The following DCLK2 variants were observed in gnomAD, a reference collection of about 807,000 sequenced individuals.
DCLK2 encodes serine/threonine-protein kinase DCLK2.
Under a neutral mutation model 78.4 loss-of-function variants are expected in DCLK2, and 31 were observed. That is an observed-to-expected ratio of 0.40 (90% CI 0.30 to 0.53). DCLK2 has a LOEUF of 0.53. DCLK2 is among the 20% of genes least tolerant of loss of function. The probability of loss-of-function intolerance (pLI) is 0.61; values close to 1 mark genes in which losing one functional copy is unlikely to be tolerated. For missense variants in DCLK2, 872 were observed against 973.7 expected (o/e 0.90, Z 1.39); for synonymous variants, 407 against 374.9 (o/e 1.09, Z -0.99).
At chr4:150,252,734 C>T (rs1283569565) in intron 15 of DCLK2, among the ~76,000 whole-genome samples, 3 of 152,310 alleles carry the variant, frequency 2.0e-5, no homozygotes, top group Admixed American at 2.0e-4. Flanking sequence ...TTGTTTGCAG[C>T]TCTGATGGTG....
At chr4:150,100,907 G>A (rs528591646) in intron 1 of DCLK2, among the ~76,000 whole-genome samples, 22 of 152,258 alleles carry the variant, frequency 1.4e-4, no homozygotes, top group Middle Eastern at 3.4e-3. Context: ...CAGTTATCTT[G>A]GGCAGTGCCC....
At chr4:150,114,852 T>C (rs906084389) in intron 2 of DCLK2, among the ~76,000 whole-genome samples, 5 of 152,260 alleles carry the variant, frequency 3.3e-5, no homozygotes, top group African/African-American at 1.2e-4. Context: ...GATAGCATGA[T>C]GACTGTATGC....
At chr4:150,149,058 A>G (rs1734695299) in intron 2 of DCLK2, among the ~76,000 whole-genome samples, 1 of 148,182 alleles carries the variant, frequency 6.7e-6, no homozygotes, top group African/African-American at 2.5e-5. Flanking sequence ...AAAAAAAAAG[A>G]AAGAAATGGA....
chr4:150,223,029 G>A (rs1741318365), intron 7 of DCLK2, among the ~76,000 whole-genome samples: 1 of 152,052 alleles, frequency 6.6e-6, no homozygotes. Flanking sequence ...ATCATTTCTG[G>A]AGATTTTTCC....
chr4:150,091,849 A>G (rs1730104220), intron 1 of DCLK2, among the ~76,000 whole-genome samples: 1 of 150,722 alleles, frequency 6.6e-6, no homozygotes, highest in South Asian at 2.1e-4. Context: ...TGCCCTTTCA[A>G]ATTTAAGTGC....
intron 2 of DCLK2, among the ~76,000 whole-genome samples, chr4:150,190,184 CA>C (rs1355854859): frequency 6.6e-6 from 1 of 151,082 alleles, no homozygotes; most frequent in Admixed American, 6.6e-5. Flanking sequence ...GCCTGGGCAA[CA>C]GAGTTGAGAC....
chr4:150,249,993 C>A (rs888089579), intron 15 of DCLK2, among the ~76,000 whole-genome samples: 14 of 152,118 alleles, frequency 9.2e-5, no homozygotes, highest in Non-Finnish European at 7.4e-5. Flanking sequence ...GACTCCCAAG[C>A]CCTGGAGGGG....
rs534501176 is a variant in DCLK2 at position 150,227,603 on chromosome 4, T to C, written c.1299+3045T>C. On this transcript the variant is annotated intron_variant, in intron 8 of 15. Transcript: ENST00000296550. ...ACGTTGGGCCCTTCTAAGTAGGAGA[T>C]TATTACAAGAGCTGCGTTGGGGCCA... Among the ~76,000 whole-genome samples, 29 of 152,282 alleles carry C rather than the reference T, an allele frequency of 1.9e-4. No individual in the cohort carries two copies. In the South Asian group the frequency reaches 6.0e-3, roughly 32 times the overall value.
intron 10 of DCLK2, among the ~76,000 whole-genome samples, chr4:150,239,206 T>G (rs1361415745): frequency 6.6e-6 from 1 of 152,184 alleles, no homozygotes; most frequent in African/African-American, 2.4e-5. Flanking sequence ...TCTGCAAAAG[T>G]GGAAAATATT....
intron 2 of DCLK2, among the ~76,000 whole-genome samples, chr4:150,110,389 T>C (rs921401855): frequency 2.6e-5 from 4 of 152,332 alleles, no homozygotes; most frequent in Admixed American, 1.3e-4. Flanking sequence ...TTTGACAATG[T>C]GTAGAGTAAT....
chr4:150,193,423 T>C (rs1738620304), intron 3 of DCLK2, among the ~76,000 whole-genome samples, 183 bp downstream of exon 3: 1 of 152,038 alleles, frequency 6.6e-6, no homozygotes, highest in Non-Finnish European at 1.5e-5. Context: ...TGCCTACTTA[T>C]AAAAAAAGAA....
chr4:150,225,016 T>C (rs879385974), intron 8 of DCLK2, among the ~76,000 whole-genome samples: 1 of 152,150 alleles, frequency 6.6e-6, no homozygotes, highest in Non-Finnish European at 1.5e-5. Flanking sequence ...CCAAGTCCCA[T>C]AGTGGTGAGG....
chr4:150,157,170 T>G (rs1580614357), intron 2 of DCLK2, among the ~76,000 whole-genome samples: 1 of 74,232 alleles, frequency 1.3e-5, no homozygotes, highest in East Asian at 4.5e-4. Flanking sequence ...CTCACCTGTT[T>G]TTTTTTTTTT....
intron 2 of DCLK2, among the ~76,000 whole-genome samples, chr4:150,135,953 G>T (rs1254871999): frequency 6.6e-6 from 1 of 152,174 alleles, no homozygotes; most frequent in East Asian, 1.9e-4. Flanking sequence ...GAGCTTTGTG[G>T]GGTTTCTCCA....
chr4:150,115,640 G>C (rs1732024761), intron 2 of DCLK2, among the ~76,000 whole-genome samples: 1 of 152,120 alleles, frequency 6.6e-6, no homozygotes, highest in South Asian at 2.1e-4. Flanking sequence ...GTTATAGAGA[G>C]TCTTTGTATG....
At chr4:150,148,791 C>T (rs750088175) in intron 2 of DCLK2, among the ~76,000 whole-genome samples, 8 of 151,292 alleles carry the variant, frequency 5.3e-5, no homozygotes, top group South Asian at 2.1e-4. Context: ...CCAGCAGTTT[C>T]GGAGGGCAAG....
intron 4 of DCLK2, among the ~76,000 whole-genome samples, chr4:150,202,100 T>G (rs1309284955): frequency 4.6e-5 from 7 of 152,170 alleles, no homozygotes; most frequent in African/African-American, 7.2e-5. Flanking sequence ...ATTCTTGGTG[T>G]TGTTTGTTTT....
At chr4:150,147,494 A>G (rs1734564045) in intron 2 of DCLK2, among the ~76,000 whole-genome samples, 1 of 152,222 alleles carries the variant, frequency 6.6e-6, no homozygotes, top group Non-Finnish European at 1.5e-5. Flanking sequence ...TTGAAATAAA[A>G]TGGTAAGAAA....
chr4:150,128,547 G>A (rs1041595834), intron 2 of DCLK2, among the ~76,000 whole-genome samples: 4 of 152,166 alleles, frequency 2.6e-5, no homozygotes, highest in Non-Finnish European at 5.9e-5. Context: ...ATGAGTTTAC[G>A]AAGATGATCA....
Sources: allele counts gnomAD v4.1 joint callset (sites outside exome capture counted in the v4.1 genomes callset), GRCh38; gene constraint gnomAD v4.1.1; transcripts MANE v1.5; gene names NCBI Gene and HGNC (gene_info 2026-07-23, HGNC 2026-07-21).